ABI3BP: variants seen among roughly 807,000 people sequenced by gnomAD.
The protein encoded by ABI3BP is ABI family member 3 binding protein.
Under a neutral mutation model 268.6 loss-of-function variants are expected in ABI3BP, and 216 were observed. The ratio of observed to expected loss-of-function variants is 0.80; its 90% CI spans 0.72 to 0.90. The LOEUF (loss-of-function observed/expected upper bound fraction) is 0.90, where lower values mean the gene tolerates loss of function less well. Among genes scored for constraint, ABI3BP ranks in the 40% least tolerant of loss-of-function variants. ABI3BP has a pLI of 0.00. For missense variants in ABI3BP, 2,090 were observed against 2,182.4 expected, an observed-to-expected ratio of 0.96 and a Z score of 0.84; for synonymous variants, 730 against 730.0, an observed-to-expected ratio of 1.00 and a Z score of 0.00.
chr3:100,800,682 T>C (rs936807545), intron 51 of ABI3BP, among the ~76,000 whole-genome samples: 1 of 152,068 alleles, frequency 6.6e-6, no homozygotes, highest in Non-Finnish European at 1.5e-5. Flanking sequence ...GGTTTCACCA[T>C]GTTAGCCAGA....
In ABI3BP at chr3:100,752,800, G is replaced by A. The variant is rs373156414; in HGVS notation, c.5109C>T (p.Ser1703=). The change falls in exon 66 of 68, where the codon AGC becomes AGT. Residue 1703 remains serine (S), a synonymous_variant. Transcript: ENST00000471714. ...AGCTCTGCTTACCTGTGAGGGAGTC[G>A]CTCAAGTAAATCTTGTATCTGAGAG... The part of the protein sequence containing the change: ...CNSLRYKIYL[S]DSLTGKFYNI... The A allele has an allele frequency of 4.5e-5, 73 of 1,612,718 alleles. No individual in the cohort carries two copies. The highest frequency in any genetic ancestry group is 1.1e-4 in the African/African-American group (8 of 74,872).
intron 2 of ABI3BP, among the ~76,000 whole-genome samples, chr3:100,906,188 G>A (rs1222672496): frequency 6.6e-6 from 1 of 152,036 alleles, no homozygotes; most frequent in Non-Finnish European, 1.5e-5. Flanking sequence ...AGAAAGACCC[G>A]AAACACTAGA....
At chr3:100,778,425 A>T (rs2096771372) in intron 58 of ABI3BP, 49 bp from the exon 59 acceptor site, 7 of 1,512,424 alleles carry the variant, frequency 4.6e-6, no homozygotes, top group East Asian at 4.6e-5. Flanking sequence ...CATCATAAAG[A>T]TTCATTATCG....
intron 63 of ABI3BP, among the ~76,000 whole-genome samples, chr3:100,759,964 A>G (rs1339802984): frequency 2.6e-5 from 4 of 152,252 alleles, no homozygotes; most frequent in East Asian, 1.9e-4. Context: ...TGAAAAGGGT[A>G]TAATGGCTAT....
intron 7 of ABI3BP, 23 bp from the exon 8 acceptor site, chr3:100,875,602 T>A (rs2099153857): frequency 1.3e-6 from 2 of 1,565,824 alleles, no homozygotes; most frequent in South Asian, 1.1e-5. Flanking sequence ...AAAAAGACAG[T>A]GTGAGGGGGT....
intron 67 of ABI3BP, 29 bp downstream of exon 67, chr3:100,751,523 G>C (rs368807120): frequency 7.5e-5 from 117 of 1,551,496 alleles, no homozygotes; most frequent in Non-Finnish European, 8.5e-5. Context: ...GTAAAACTCT[G>C]TTCTTATGAG....
At chr3:100,815,858 T>C (rs556946421) in intron 44 of ABI3BP, 54 bp downstream of exon 44, 2 of 1,340,694 alleles carry the variant, frequency 1.5e-6, no homozygotes, top group South Asian at 1.4e-5. Flanking sequence ...AGTGCTCAAG[T>C]GCGTTTTTAA....
At chr3:100,932,589 A>G (rs930958939) in intron 1 of ABI3BP, among the ~76,000 whole-genome samples, 5 of 152,176 alleles carry the variant, frequency 3.3e-5, no homozygotes, top group African/African-American at 1.2e-4. Context: ...CAACAAGCAC[A>G]TGAAAAAGTT....
chr3:100,930,030 T>C (rs1482098483), intron 1 of ABI3BP, among the ~76,000 whole-genome samples: 1 of 152,072 alleles, frequency 6.6e-6, no homozygotes, highest in Non-Finnish European at 1.5e-5. Context: ...TCTTTGATAA[T>C]ACATTTATTT....
chr3:100,802,690 T>C (rs533302206), intron 51 of ABI3BP, among the ~76,000 whole-genome samples: 2 of 152,162 alleles, frequency 1.3e-5, no homozygotes, highest in African/African-American at 4.8e-5. Context: ...GGTCAAGAAA[T>C]TGAAGTTTGT....
chr3:100,918,555 T>G (rs1347686970), intron 2 of ABI3BP, among the ~76,000 whole-genome samples: 3 of 152,038 alleles, frequency 2.0e-5, no homozygotes, highest in Non-Finnish European at 2.9e-5. Context: ...AGGATATTCA[T>G]GGAGAGGGAC....
Position 100,876,534 on chromosome 3 carries a change from G to A in ABI3BP, c.723C>T (p.Ile241=). The change falls in exon 7 of 68, where the codon ATC becomes ATT. Residue 241 remains isoleucine (I), a synonymous_variant. Coordinates refer to ENST00000471714, the MANE Select transcript of ABI3BP (RefSeq NM_001375547.2). ...TVPAYVPRKL[I]PITIIKQVIQ... The stretch of plus-strand genomic sequence containing the variant: ...TACCTTGCTTGATGATTGTTATTGG[G>A]ATTAGTTTCCTTGGGACATATGCTG... 1 of 1,613,470 alleles carries A rather than the reference G, an allele frequency of 6.2e-7. No homozygotes were observed.
chr3:100,855,079 A>C (rs1463818218), intron 14 of ABI3BP, among the ~76,000 whole-genome samples: 2 of 152,116 alleles, frequency 1.3e-5, no homozygotes, highest in Admixed American at 6.5e-5. Flanking sequence ...GACATGTGCC[A>C]CCACACCTGG....
intron 1 of ABI3BP, among the ~76,000 whole-genome samples, chr3:100,975,951 A>G (rs1021995438): frequency 6.6e-6 from 1 of 152,178 alleles, no homozygotes; most frequent in Non-Finnish European, 1.5e-5. Flanking sequence ...GGAACTGGCC[A>G]ACTGGATAGA....
At chr3:100,867,582 A>T (rs576615264) in intron 9 of ABI3BP, among the ~76,000 whole-genome samples, 1 of 137,724 alleles carries the variant, frequency 7.3e-6, no homozygotes, top group East Asian at 2.2e-4. Flanking sequence ...TGGAGCTTGC[A>T]GTGAGCCGAG....
chr3:100,804,408 C>A (rs1173002059), intron 51 of ABI3BP, among the ~76,000 whole-genome samples: 3 of 152,140 alleles, frequency 2.0e-5, no homozygotes, highest in Non-Finnish European at 4.4e-5. Context: ...AATGGCTAAA[C>A]ATCATTGCCT....
intron 59 of ABI3BP, 76 bp from the exon 60 acceptor site, chr3:100,775,411 A>G: frequency 6.5e-7 from 1 of 1,533,614 alleles, no homozygotes. Flanking sequence ...TTTATTCCAT[A>G]AATGTTTTTA....
chr3:100,754,566 G>C (rs1217579066), intron 64 of ABI3BP, 46 bp downstream of exon 64: 4 of 1,505,912 alleles, frequency 2.7e-6, no homozygotes, highest in East Asian at 4.9e-5. Flanking sequence ...TTGCTCCACT[G>C]TGGCCCTTTT....
intron 9 of ABI3BP, among the ~76,000 whole-genome samples, chr3:100,873,762 T>G (rs2099133470): frequency 1.3e-5 from 2 of 152,216 alleles, no homozygotes; most frequent in South Asian, 4.1e-4. Context: ...AAGGGCCTTG[T>G]CTGAGGTCCC....
Sources: gnomAD v4.1 joint callset for allele counts (sites outside exome capture counted in the v4.1 genomes callset) on GRCh38, gnomAD v4.1.1 for gene constraint, MANE v1.5 for transcripts, NCBI Gene and HGNC (gene_info 2026-07-23, HGNC 2026-07-21) for gene names.